RNASEH1: variants seen among roughly 807,000 people sequenced by gnomAD.
RNASEH1 encodes the protein ribonuclease H1.
In RNASEH1, 27 loss-of-function variants were observed where a neutral mutation model predicts 34.6. The ratio of observed to expected loss-of-function variants is 0.78; its 90% CI spans 0.58 to 1.08. The LOEUF (loss-of-function observed/expected upper bound fraction) is 1.08. RNASEH1 is among the 50% of genes least tolerant of loss of function. RNASEH1 has a pLI of 0.00. For missense variants in RNASEH1, 349 were observed against 373.6 expected (o/e 0.93, Z 0.54); for synonymous variants, 162 against 138.4 (o/e 1.17, Z -1.20).
intron 2 of RNASEH1, among the ~76,000 whole-genome samples, chr2:3,555,310 G>A (rs773157300): frequency 1.7e-4 from 26 of 152,034 alleles, no homozygotes; most frequent in Non-Finnish European, 2.6e-4. Context: ...GAAAAAAGTC[G>A]CCTTCCTTGC....
At chr2:3,553,004 C>T (rs1200450580) in intron 2 of RNASEH1, among the ~76,000 whole-genome samples, 5 of 152,052 alleles carry the variant, frequency 3.3e-5, no homozygotes, top group Admixed American at 3.3e-4. Context: ...GAAAACAGGG[C>T]TGGGAAGCCG....
In RNASEH1 at chr2:3,550,040, G is replaced by C. The variant is rs866717655; in HGVS notation, c.509+333C>G. 2.0e-5 allele frequency: 5 copies of C among 255,480 alleles called. No individual in the cohort carries two copies. In the South Asian group the frequency reaches 2.6e-4, roughly 13 times the overall value. The allele number at this position is 255,480 out of a possible 1,614,324, so 15.8% of individuals were successfully genotyped here. A position where few individuals can be genotyped will look rare whatever the true frequency, so the allele number is the denominator to read the frequency against. ...CACCCATAATCCCAACAGTTTGGGAGGCCAAGGTGGGAGGATCGCTTGAGC... is the reference window on the plus strand; with the variant it reads ...CACCCATAATCCCAACAGTTTGGGACGCCAAGGTGGGAGGATCGCTTGAGC... On this transcript the variant is annotated intron_variant, in intron 4 of 7. Transcript: ENST00000315212.
chr2:3,535,646 G>A, the RNASEH1 span, among the ~76,000 whole-genome samples: 1 of 151,976 alleles, frequency 6.6e-6, no homozygotes, highest in South Asian at 2.1e-4. Flanking sequence ...GTGGGGTGGG[G>A]ACAGGGGGAC....
intron 5 of RNASEH1, 113 bp downstream of exon 5, chr2:3,548,945 G>A (rs560204183): frequency 3.5e-4 from 334 of 963,052 alleles, no homozygotes; most frequent in Middle Eastern, 3.0e-4. Context: ...TATTAAACCC[G>A]TCTCTCTTCA....
Position 3,550,395 on chromosome 2 carries a change from A to G in RNASEH1, c.487T>C (p.Tyr163His). ...RRRPRAGIGV[Y>H]WGPGHPLNVG... ...TACAAAGGATGGCCTGGCCCCCAGT[A>G]AACGCCGATTCCTGCTCGCGGCCTT... Residue 163 changes from tyrosine to histidine, a missense_variant, in exon 4 of 8, where the codon TAC becomes CAC. This residue lies in a region of RNASEH1 where 256 missense variants were observed against 240.7 expected (regional missense o/e 1.06). Coordinates refer to ENST00000315212, the MANE Select transcript of RNASEH1 (RefSeq NM_002936.6). 6.2e-7 allele frequency: 1 copy of G among 1,614,026 alleles called. No individual in the cohort carries two copies. Among genetic ancestry groups the G allele is most frequent in the Admixed American group, 1.7e-5 (1 of 60,020 alleles).
chr2:3,548,568 G>T, intron 6 of RNASEH1, 72 bp downstream of exon 6: 1 of 1,052,638 alleles, frequency 9.5e-7, no homozygotes, highest in Non-Finnish European at 1.5e-6. Context: ...GTCCTGCCCT[G>T]TTACAACACC....
chr2:3,553,454 G>A (rs901226244), intron 2 of RNASEH1, among the ~76,000 whole-genome samples: 3 of 151,424 alleles, frequency 2.0e-5, no homozygotes, highest in African/African-American at 4.9e-5. Context: ...ACAGTGGCGC[G>A]ATCGTGGCTC....
At chr2:3,555,003 A>C (rs933480236) in intron 2 of RNASEH1, among the ~76,000 whole-genome samples, 3 of 152,252 alleles carry the variant, frequency 2.0e-5, no homozygotes, top group African/African-American at 7.2e-5. Context: ...AGCAAGGATG[A>C]CAGTGGTCCG....
rs1668435273 is a variant in RNASEH1, at chr2:3,543,117, A to G, written c.*2668T>C. 6.6e-6 allele frequency among the ~76,000 whole-genome samples: 1 copy of G among 152,166 alleles called. No individual in the cohort carries two copies. Among genetic ancestry groups the G allele is most frequent in the East Asian group, 1.9e-4 (1 of 5,182 alleles). On this transcript the variant is annotated 3_prime_UTR_variant, in exon 8 of 8. Transcript: ENST00000315212. ...ACCTGACTTGAGAGTACACTTCTGT[A>G]ACAAGCAGCAGAGTCTCACCAATCA...
At chr2:3,557,979 G>A (rs1480522783) in intron 1 of RNASEH1, 154 bp downstream of exon 1, 6 of 1,492,838 alleles carry the variant, frequency 4.0e-6, no homozygotes, top group South Asian at 3.9e-5. Flanking sequence ...CCCGCCGGCC[G>A]AGCAGGAAAA....
chr2:3,551,131 G>A (rs1485827179), intron 3 of RNASEH1, among the ~76,000 whole-genome samples: 2 of 152,260 alleles, frequency 1.3e-5, no homozygotes, highest in Admixed American at 6.5e-5. Flanking sequence ...AGGGCAAATA[G>A]AGGTGGTACG....
chr2:3,548,537 C>A, intron 6 of RNASEH1, 103 bp downstream of exon 6: 1 of 710,760 alleles, frequency 1.4e-6, no homozygotes, highest in Admixed American at 2.4e-5. Context: ...AAACCAATGT[C>A]ATCCCCCCGT....
At chr2:3,536,707 C>T (rs1263457518), downstream of RNASEH1, 1 of 152,106 alleles carries the variant, frequency 6.6e-6, no homozygotes, top group Non-Finnish European at 1.5e-5. Flanking sequence ...TTTTCTTTAC[C>T]AAGCATCCCA....
At chr2:3,554,041 G>A (rs1660248515) in intron 2 of RNASEH1, among the ~76,000 whole-genome samples, 1 of 152,104 alleles carries the variant, frequency 6.6e-6, no homozygotes, top group African/African-American at 2.4e-5. Flanking sequence ...GGAGAAATGG[G>A]GCACGAACAT....
rs1176263374 is a variant in RNASEH1, at chr2:3,545,083, A to AC, written c.*701dup. On this transcript the variant is annotated 3_prime_UTR_variant, in exon 8 of 8. Coordinates refer to ENST00000315212, the MANE Select transcript of RNASEH1 (RefSeq NM_002936.6). ...AGCCACTGTGCCCAGCCGGTGTCTT[A>AC]CTTTTTTTTTTTTTTTTTTAATTTG... 4 of 142,782 alleles carry AC rather than the reference A, an allele frequency of 2.8e-5. No homozygotes were observed. Among genetic ancestry groups the AC allele is most frequent in the African/African-American group, 1.0e-4 (4 of 39,414 alleles). 8.8% of individuals were successfully genotyped at this position (142,782 alleles called of 1,614,324 possible).
chr2:3,553,002 G>A (rs1019570721), intron 2 of RNASEH1, among the ~76,000 whole-genome samples: 1 of 152,050 alleles, frequency 6.6e-6, no homozygotes, highest in East Asian at 1.9e-4. Flanking sequence ...AGGAAAACAG[G>A]GCTGGGAAGC....
chr2:3,547,826 G>C lies in RNASEH1; in HGVS notation c.774+105C>G. 7 of 1,103,296 alleles carry C rather than the reference G, an allele frequency of 6.3e-6. No homozygotes were observed. In the South Asian group the frequency reaches 9.5e-5, roughly 15 times the overall value. 68.3% of individuals were successfully genotyped at this position (1,103,296 alleles called of 1,614,324 possible). On this transcript the variant is annotated intron_variant, in intron 7 of 7. Transcript: ENST00000315212. ...ATATACATTATGATATTAATATCAT[G>C]GAAATTGTTATGTCATTAAACCACT...
chr2:3,552,249 G>GCT lies in RNASEH1; in HGVS notation c.302_303dup (p.Pro102SerfsTer18). 1.2e-6 allele frequency: 2 copies of GCT among 1,613,990 alleles called. No individual in the cohort carries two copies. The highest frequency in any genetic ancestry group is 1.7e-6 in the Non-Finnish European group (2 of 1,180,008). On this transcript the variant is annotated frameshift_variant, in exon 3 of 8. Transcript: ENST00000315212. LOFTEE classifies it high-confidence loss of function. ...CTTTCATGTCCATCTCCATCCAGTG[G>GCT]CTCACGGAGTCGCTTGCTGGCTTTC...
intron 7 of RNASEH1, among the ~76,000 whole-genome samples, chr2:3,546,960 TAAAAATAC>T (rs1465844608): frequency 6.6e-6 from 1 of 152,106 alleles, no homozygotes; most frequent in Non-Finnish European, 1.5e-5. Flanking sequence ...CCATCGCTAC[TAAAAATAC>T]AAAAATTAGC....
Sources: gnomAD v4.1 joint callset for allele counts (sites outside exome capture counted in the v4.1 genomes callset) on GRCh38, gnomAD v4.1.1 for gene constraint, gnomAD v4.1.1 regional missense constraint, MANE v1.5 for transcripts, NCBI Gene and HGNC (gene_info 2026-07-23, HGNC 2026-07-21) for gene names.